CLVS1: variants seen among roughly 807,000 people sequenced by gnomAD.
The protein encoded by CLVS1 is clavesin-1.
CLVS1 carries 10 observed loss-of-function variants against 33.1 expected under a neutral mutation model. That is an observed-to-expected ratio of 0.30 (90% CI 0.19 to 0.51). The LOEUF (loss-of-function observed/expected upper bound fraction) is 0.51, where lower values mean the gene tolerates loss of function less well. Among genes scored for constraint, CLVS1 ranks in the 20% least tolerant of loss-of-function variants. The probability of loss-of-function intolerance (pLI) is 0.97; values close to 1 mark genes in which losing one functional copy is unlikely to be tolerated. For synonymous variants in CLVS1, 163 were observed against 166.1 expected (o/e 0.98, Z 0.14); for missense variants, 343 against 433.4 (o/e 0.79, Z 1.85).
intron 2 of CLVS1, among the ~76,000 whole-genome samples, chr8:61,147,704 G>A (rs1946593): frequency 0.44 from 66,227 of 152,030 alleles, 16,810 homozygotes; most frequent in Middle Eastern, 0.69. Flanking sequence ...ATTTCTCAGG[G>A]ATAAGAATTT....
chr8:61,363,064 A>T (rs962966598), intron 2 of CLVS1, among the ~76,000 whole-genome samples: 67 of 152,284 alleles, frequency 4.4e-4, no homozygotes, highest in African/African-American at 1.3e-3. Flanking sequence ...AGGAGGTAAA[A>T]TTTCAGATAG....
intron 2 of CLVS1, among the ~76,000 whole-genome samples, chr8:61,207,808 C>A (rs1807887030): frequency 6.6e-6 from 1 of 152,132 alleles, no homozygotes; most frequent in South Asian, 2.1e-4. Flanking sequence ...TTTTTTCAAC[C>A]ACGATTTTCA....
At chr8:61,014,201 A>G in the CLVS1 span, among the ~76,000 whole-genome samples, 5 of 152,100 alleles carry the variant, frequency 3.3e-5, no homozygotes, top group African/African-American at 1.2e-4. Context: ...GGTTAAAGTA[A>G]ATCAGTGTTG....
intron 2 of CLVS1, among the ~76,000 whole-genome samples, chr8:61,341,039 G>A (rs1812011793): frequency 6.6e-6 from 1 of 152,200 alleles, no homozygotes; most frequent in African/African-American, 2.4e-5. Context: ...CAGGCAGGAT[G>A]CAAGCACTGA....
intron 5 of CLVS1, among the ~76,000 whole-genome samples, chr8:61,491,082 CT>C (rs1804061060): frequency 1.3e-5 from 2 of 152,128 alleles, no homozygotes; most frequent in Non-Finnish European, 2.9e-5. Flanking sequence ...ACTTTCTAGG[CT>C]TTTCTAGAAG....
chr8:61,357,886 T>C (rs1812808342), intron 2 of CLVS1, among the ~76,000 whole-genome samples: 1 of 152,170 alleles, frequency 6.6e-6, no homozygotes, highest in Admixed American at 6.5e-5. Flanking sequence ...AAAAAGTTGC[T>C]GGAAACAGAT....
intron 2 of CLVS1, among the ~76,000 whole-genome samples, chr8:61,274,740 A>T (rs1282126526): frequency 1.3e-5 from 2 of 152,214 alleles, no homozygotes; most frequent in Non-Finnish European, 2.9e-5. Flanking sequence ...AACTGATTTA[A>T]AACACATCCT....
intron 1 of CLVS1, among the ~76,000 whole-genome samples, chr8:61,067,915 C>T (rs1280844834): frequency 6.6e-6 from 1 of 151,974 alleles, no homozygotes; most frequent in Non-Finnish European, 1.5e-5. Flanking sequence ...ATACCCCAAA[C>T]CTCAGCATCA....
At chr8:61,278,019 G>A (rs913281373) in intron 2 of CLVS1, among the ~76,000 whole-genome samples, 8 of 152,190 alleles carry the variant, frequency 5.3e-5, no homozygotes, top group Non-Finnish European at 8.8e-5. Context: ...GTCTAAAGCT[G>A]CCCTCAGTGG....
At chr8:61,131,326 G>A (rs976875765) in intron 1 of CLVS1, among the ~76,000 whole-genome samples, 1 of 152,226 alleles carries the variant, frequency 6.6e-6, no homozygotes, top group East Asian at 1.9e-4. Flanking sequence ...ATGAAGGTGC[G>A]AATTATGCAG....
intron 4 of CLVS1, 119 bp downstream of exon 4, chr8:61,454,370 T>C: frequency 1.3e-6 from 1 of 797,332 alleles, no homozygotes; most frequent in Non-Finnish European, 2.1e-6. Context: ...TCTTTCACTG[T>C]GGTTTTTCTA....
chr8:60,989,721 G>T, the CLVS1 span, among the ~76,000 whole-genome samples: 1 of 152,092 alleles, frequency 6.6e-6, no homozygotes, highest in Non-Finnish European at 1.5e-5. Context: ...GAAAACCTGG[G>T]CAATAGAAAA....
chr8:61,270,444 A>G (rs893624638), intron 2 of CLVS1, among the ~76,000 whole-genome samples: 5 of 152,200 alleles, frequency 3.3e-5, no homozygotes, highest in African/African-American at 9.7e-5. Context: ...TTTTGCATCA[A>G]TGTTCATCAA....
chr8:61,282,771 G>A (rs1203819285), intron 2 of CLVS1, among the ~76,000 whole-genome samples: 2 of 152,192 alleles, frequency 1.3e-5, no homozygotes, highest in African/African-American at 4.8e-5. Context: ...ATCTGATAAA[G>A]TAAATGAAGT....
At chr8:60,995,854 C>T in the CLVS1 span, among the ~76,000 whole-genome samples, 1 of 152,180 alleles carries the variant, frequency 6.6e-6, no homozygotes, top group South Asian at 2.1e-4. Context: ...GAGTTCATGT[C>T]CTTTGCAGGG....
At chr8:61,244,023 GC>G (rs1463603510) in intron 2 of CLVS1, among the ~76,000 whole-genome samples, 2 of 151,994 alleles carry the variant, frequency 1.3e-5, no homozygotes, top group Non-Finnish European at 2.9e-5. Flanking sequence ...TACTTGTTAT[GC>G]TTTTGTGGTC....
At chr8:61,021,435 C>T in the CLVS1 span, among the ~76,000 whole-genome samples, 2 of 152,210 alleles carry the variant, frequency 1.3e-5, no homozygotes, top group Non-Finnish European at 2.9e-5. Context: ...ACTGCAACCT[C>T]CACCTCCCGG....
intron 2 of CLVS1, among the ~76,000 whole-genome samples, chr8:61,142,174 G>A (rs1031042755): frequency 6.6e-6 from 1 of 152,170 alleles, no homozygotes; most frequent in Non-Finnish European, 1.5e-5. Context: ...GGAGATGATT[G>A]GATCATGGGG....
At chr8:61,021,576 G>A in the CLVS1 span, among the ~76,000 whole-genome samples, 1 of 151,218 alleles carries the variant, frequency 6.6e-6, no homozygotes, top group African/African-American at 2.4e-5. Context: ...TGACCAGGGT[G>A]GTCTCGAACT....
Sources: allele counts gnomAD v4.1 joint callset (sites outside exome capture counted in the v4.1 genomes callset), GRCh38; gene constraint gnomAD v4.1.1; transcripts MANE v1.5; gene names NCBI Gene and HGNC (gene_info 2026-07-23, HGNC 2026-07-21).